The following IMMP2L variants were observed in gnomAD, a reference collection of about 807,000 sequenced individuals.
The protein encoded by IMMP2L is inner mitochondrial membrane peptidase subunit 2, also known as mitochondrial inner membrane protease subunit 2.
Under a neutral mutation model 19.3 loss-of-function variants are expected in IMMP2L, and 18 were observed. That is an observed-to-expected ratio of 0.93 (90% confidence interval 0.64 to 1.38). IMMP2L has a LOEUF of 1.38. Ranked by LOEUF, IMMP2L falls within the 40% of genes most tolerant of loss-of-function variation. The pLI, the probability that IMMP2L is intolerant of heterozygous loss-of-function variation, is 0.00. For missense variants in IMMP2L, 233 were observed against 218.2 expected (o/e 1.07, Z -0.43); for synonymous variants, 76 against 73.0 (o/e 1.04, Z -0.21).
intron 5 of IMMP2L, among the ~76,000 whole-genome samples, chr7:110,738,224 T>C (rs1443975793): frequency 6.6e-6 from 1 of 152,178 alleles, no homozygotes; most frequent in Non-Finnish European, 1.5e-5. Context: ...TCCGAATTGT[T>C]AGAAAAAGAA....
chr7:111,355,370 T>C (rs1828594136), intron 3 of IMMP2L, among the ~76,000 whole-genome samples: 1 of 151,846 alleles, frequency 6.6e-6, no homozygotes, highest in Non-Finnish European at 1.5e-5. Flanking sequence ...TTATACACTA[T>C]AAATCTTTAA....
chr7:111,319,255 A>G (rs1208005896), intron 3 of IMMP2L, among the ~76,000 whole-genome samples: 1 of 152,090 alleles, frequency 6.6e-6, no homozygotes, highest in East Asian at 1.9e-4. Context: ...TAAAGCTGTG[A>G]CCTTGATGTT....
At chr7:111,145,239 T>G (rs1803340480) in intron 3 of IMMP2L, among the ~76,000 whole-genome samples, 1 of 152,120 alleles carries the variant, frequency 6.6e-6, no homozygotes, top group African/African-American at 2.4e-5. Flanking sequence ...AGCAGCTTTG[T>G]GAACATATGC....
At chr7:111,307,283 A>C (rs1170471096) in intron 3 of IMMP2L, among the ~76,000 whole-genome samples, 1 of 151,660 alleles carries the variant, frequency 6.6e-6, no homozygotes, top group Non-Finnish European at 1.5e-5. Flanking sequence ...ATATTTGGCC[A>C]ATGTTACATG....
In IMMP2L at chr7:111,132,061, T is replaced by A. The variant is rs1318005252; in HGVS notation, c.240-168496A>T. 3.9e-5 allele frequency among the ~76,000 whole-genome samples: 6 copies of A among 152,002 alleles called. No individual in the cohort carries two copies. The East Asian group carries it at 1.2e-3, about 29-fold the overall frequency. On this transcript the variant is annotated intron_variant, in intron 3 of 5. Coordinates refer to ENST00000405709, the MANE Select transcript of IMMP2L (RefSeq NM_032549.4). Reference sequence around the variant, plus strand: ...CTCTCCCCATCAGTATGTTCTTTTATAATATTCCTATCTCAGTTTCGCATC... The same window carrying A: ...CTCTCCCCATCAGTATGTTCTTTTAAAATATTCCTATCTCAGTTTCGCATC...
At chr7:111,249,607 G>A (rs1815831460) in intron 3 of IMMP2L, among the ~76,000 whole-genome samples, 2 of 152,002 alleles carry the variant, frequency 1.3e-5, no homozygotes. Context: ...TATCCATTTA[G>A]AAGAGAAAGT....
chr7:111,433,811 T>A (rs902129775), intron 3 of IMMP2L, among the ~76,000 whole-genome samples: 1 of 151,710 alleles, frequency 6.6e-6, no homozygotes, highest in African/African-American at 2.4e-5. Context: ...ACCAAATTTT[T>A]AAAAATCCCA....
At chr7:111,233,026 C>T (rs532462050) in intron 3 of IMMP2L, among the ~76,000 whole-genome samples, 1 of 152,184 alleles carries the variant, frequency 6.6e-6, no homozygotes, top group African/African-American at 2.4e-5. Context: ...ACCACCTACC[C>T]CTACTAGACT....
At chr7:111,453,289 A>G (rs1283536874) in intron 3 of IMMP2L, among the ~76,000 whole-genome samples, 1 of 152,048 alleles carries the variant, frequency 6.6e-6, no homozygotes, top group Non-Finnish European at 1.5e-5. Context: ...CCTGCCTTGA[A>G]TACCTCTTGT....
intron 3 of IMMP2L, among the ~76,000 whole-genome samples, chr7:111,374,992 T>C (rs1830557275): frequency 6.6e-6 from 1 of 152,076 alleles, no homozygotes; most frequent in Admixed American, 6.6e-5. Flanking sequence ...TTTTGGTAAA[T>C]ATTTACAGTT....
At chr7:111,196,358 C>G (rs1366630318) in intron 3 of IMMP2L, among the ~76,000 whole-genome samples, 1 of 151,938 alleles carries the variant, frequency 6.6e-6, no homozygotes, top group Non-Finnish European at 1.5e-5. Flanking sequence ...CAGAATCAAA[C>G]GATAAAAATC....
At chr7:111,083,379 A>G (rs1185975411) in intron 3 of IMMP2L, among the ~76,000 whole-genome samples, 1 of 152,228 alleles carries the variant, frequency 6.6e-6, no homozygotes, top group East Asian at 1.9e-4. Flanking sequence ...GAGAATAAAA[A>G]TATTGTCAAA....
chr7:110,959,060 A>C (rs1818661622), intron 4 of IMMP2L, among the ~76,000 whole-genome samples: 1 of 152,022 alleles, frequency 6.6e-6, no homozygotes, highest in Admixed American at 6.6e-5. Context: ...TGTAACTACC[A>C]GAACATTAAA....
chr7:110,961,160 A>G (rs1268441380), intron 4 of IMMP2L, among the ~76,000 whole-genome samples: 1 of 151,904 alleles, frequency 6.6e-6, no homozygotes, highest in East Asian at 1.9e-4. Context: ...AACCTACCAT[A>G]ACACTCAGCA....
intron 5 of IMMP2L, among the ~76,000 whole-genome samples, chr7:110,800,100 C>T (rs1479990272): frequency 6.6e-6 from 1 of 152,006 alleles, no homozygotes; most frequent in Non-Finnish European, 1.5e-5. Flanking sequence ...AATTCATGCA[C>T]TTGAAAGAAG....
At chr7:110,931,688 A>G (rs1815503370) in intron 4 of IMMP2L, among the ~76,000 whole-genome samples, 1 of 152,092 alleles carries the variant, frequency 6.6e-6, no homozygotes, top group Non-Finnish European at 1.5e-5. Flanking sequence ...ACTTAAACAT[A>G]TTAATCAAAT....
At chr7:110,961,098 G>A (rs1452063457) in intron 4 of IMMP2L, among the ~76,000 whole-genome samples, 1 of 151,872 alleles carries the variant, frequency 6.6e-6, no homozygotes, top group Admixed American at 6.6e-5. Context: ...AACATGAAAT[G>A]ATACAGCCAC....
At chr7:111,224,654 G>A (rs759828287) in intron 3 of IMMP2L, among the ~76,000 whole-genome samples, 23 of 152,062 alleles carry the variant, frequency 1.5e-4, no homozygotes, top group Non-Finnish European at 2.9e-4. Context: ...GGACTCCTGA[G>A]ATCCATGAGA....
rs1168666118 is a variant in IMMP2L, at chr7:110,928,986, T to C, written c.305+34514A>G. ...CCCTTTCAATATTATAATTTGTATA[T>C]TGGACACCCTGTTGAAATCACTAGC... On this transcript the variant is annotated intron_variant, in intron 4 of 5. Coordinates refer to ENST00000405709, the MANE Select transcript of IMMP2L (RefSeq NM_032549.4). Among the ~76,000 whole-genome samples, 4 of 152,198 alleles carry C rather than the reference T, an allele frequency of 2.6e-5. No individual in the cohort carries two copies. The South Asian group carries it at 6.2e-4, about 24-fold the overall frequency.
Sources: gnomAD v4.1 joint callset for allele counts (sites outside exome capture counted in the v4.1 genomes callset) on GRCh38, gnomAD v4.1.1 for gene constraint, MANE v1.5 for transcripts, NCBI Gene and HGNC (gene_info 2026-07-23, HGNC 2026-07-21) for gene names.